The following TMEM132D variants were observed in gnomAD, a reference collection of about 807,000 sequenced individuals.
The protein encoded by TMEM132D is mature OL transmembrane protein.
In TMEM132D, 21 loss-of-function variants were observed where a neutral mutation model predicts 62.3. The ratio of observed to expected loss-of-function variants is 0.34; its 90% CI spans 0.24 to 0.49. The LOEUF (loss-of-function observed/expected upper bound fraction) is 0.49, where lower values mean the gene tolerates loss of function less well. TMEM132D is among the 20% of genes least tolerant of loss of function. The pLI is 0.99. For synonymous variants in TMEM132D, 621 were observed against 575.6 expected (o/e 1.08, Z -1.13); for missense variants, 1,346 against 1,402.8 (o/e 0.96, Z 0.65).
chr12:129,265,863 T>C (rs566524650), intron 4 of TMEM132D, among the ~76,000 whole-genome samples: 1 of 152,186 alleles, frequency 6.6e-6, no homozygotes, highest in Admixed American at 6.5e-5. Context: ...CCTCTTACAA[T>C]CTTTCTCTTC....
intron 4 of TMEM132D, among the ~76,000 whole-genome samples, chr12:129,313,749 T>C (rs1013914971): frequency 2.0e-5 from 3 of 152,164 alleles, no homozygotes; most frequent in Non-Finnish European, 4.4e-5. Flanking sequence ...CTGGAACAAA[T>C]GGTAGCTCTA....
chr12:129,497,394 G>GC (rs1433855802), intron 3 of TMEM132D, among the ~76,000 whole-genome samples: 1 of 152,112 alleles, frequency 6.6e-6, no homozygotes, highest in African/African-American at 2.4e-5. Flanking sequence ...GTGATAAGTG[G>GC]CCCCTGCTCC....
chr12:129,302,765 C>T (rs1295286102), intron 4 of TMEM132D, among the ~76,000 whole-genome samples: 2 of 152,340 alleles, frequency 1.3e-5, no homozygotes, highest in South Asian at 4.1e-4. Context: ...ACCAACAGCC[C>T]CTTGGCCAAA....
intron 2 of TMEM132D, among the ~76,000 whole-genome samples, chr12:129,597,917 A>G (rs1347203803): frequency 6.6e-6 from 1 of 152,166 alleles, no homozygotes; most frequent in Non-Finnish European, 1.5e-5. Flanking sequence ...TGATGGGTAC[A>G]TTCAAACAGG....
At chr12:129,654,988 C>T (rs1324799265) in intron 2 of TMEM132D, among the ~76,000 whole-genome samples, 1 of 151,986 alleles carries the variant, frequency 6.6e-6, no homozygotes, top group Non-Finnish European at 1.5e-5. Context: ...TGCTCTGTCG[C>T]CCAGGCTGGA....
intron 1 of TMEM132D, among the ~76,000 whole-genome samples, chr12:129,864,946 G>A (rs367945621): frequency 1.3e-5 from 2 of 152,194 alleles, no homozygotes; most frequent in East Asian, 3.9e-4. Context: ...ACAGAAGTGA[G>A]CTCCATCCAA....
chr12:129,545,925 G>A (rs1876719591), intron 2 of TMEM132D, among the ~76,000 whole-genome samples: 1 of 152,144 alleles, frequency 6.6e-6, no homozygotes, highest in African/African-American at 2.4e-5. Context: ...AATATGAGGA[G>A]GAACATGGTC....
At chr12:129,251,927 G>A (rs1389947009) in intron 4 of TMEM132D, among the ~76,000 whole-genome samples, 1 of 152,130 alleles carries the variant, frequency 6.6e-6, no homozygotes, top group Non-Finnish European at 1.5e-5. Context: ...AAGGAACCTA[G>A]GCTCTTGAAT....
chr12:129,554,135 C>T (rs1340216242), intron 2 of TMEM132D, among the ~76,000 whole-genome samples: 2 of 152,144 alleles, frequency 1.3e-5, no homozygotes, highest in African/African-American at 4.8e-5. Flanking sequence ...GTTTCTATTC[C>T]TTAAAACAGT....
intron 2 of TMEM132D, among the ~76,000 whole-genome samples, chr12:129,549,340 C>G (rs914753512): frequency 7.9e-5 from 12 of 151,616 alleles, no homozygotes; most frequent in African/African-American, 2.9e-4. Flanking sequence ...CCACCCAAAT[C>G]TCATCTTGAA....
intron 3 of TMEM132D, among the ~76,000 whole-genome samples, chr12:129,518,192 G>T (rs1875738838): frequency 6.6e-6 from 1 of 152,070 alleles, no homozygotes. Flanking sequence ...TTTTTCTGTT[G>T]TGAGTTTATA....
At chr12:129,380,900 T>G (rs1870930557) in intron 3 of TMEM132D, among the ~76,000 whole-genome samples, 1 of 152,262 alleles carries the variant, frequency 6.6e-6, no homozygotes, top group Non-Finnish European at 1.5e-5. Flanking sequence ...CATACATCAT[T>G]AGTTCAATCC....
At chr12:129,199,102 C>CTTTTTTTTT (rs58775767) in intron 5 of TMEM132D, among the ~76,000 whole-genome samples, 1 of 95,830 alleles carries the variant, frequency 1.0e-5, no homozygotes, top group Non-Finnish European at 2.0e-5. Flanking sequence ...GTCCATCTAC[C>CTTTTTTTTT]TTTTTTTTTT....
chr12:129,157,688 CA>C (rs1393261131), intron 5 of TMEM132D, among the ~76,000 whole-genome samples: 2 of 152,166 alleles, frequency 1.3e-5, no homozygotes, highest in African/African-American at 4.8e-5. Context: ...TGGCTGAAAA[CA>C]AAACCACAGA....
intron 2 of TMEM132D, among the ~76,000 whole-genome samples, chr12:129,551,403 C>A (rs1022626096): frequency 6.6e-6 from 1 of 152,210 alleles, no homozygotes; most frequent in South Asian, 2.1e-4. Context: ...GAAGGCATGT[C>A]TCTCTCTTGG....
intron 1 of TMEM132D, among the ~76,000 whole-genome samples, chr12:129,731,199 T>C (rs1294596604): frequency 6.6e-6 from 1 of 152,178 alleles, no homozygotes; most frequent in Non-Finnish European, 1.5e-5. Flanking sequence ...TTCCTGCCCA[T>C]TCACTCATTC....
intron 2 of TMEM132D, among the ~76,000 whole-genome samples, chr12:129,616,263 G>A (rs189748921): frequency 4.6e-5 from 7 of 152,142 alleles, no homozygotes; most frequent in Admixed American, 2.0e-4. Flanking sequence ...ATGCATCAGC[G>A]CCCCAATCTC....
At chr12:129,407,416 G>T (rs1392848130) in intron 3 of TMEM132D, among the ~76,000 whole-genome samples, 1 of 152,060 alleles carries the variant, frequency 6.6e-6, no homozygotes, top group Non-Finnish European at 1.5e-5. Flanking sequence ...AAGCCTAGAG[G>T]AAAAGTCACC....
intron 1 of TMEM132D, among the ~76,000 whole-genome samples, chr12:129,708,991 C>T (rs962830603): frequency 1.3e-5 from 2 of 152,176 alleles, no homozygotes; most frequent in Non-Finnish European, 2.9e-5. Flanking sequence ...GGAAGACCTA[C>T]TCAGATGAGA....
Sources: allele counts gnomAD v4.1 joint callset (sites outside exome capture counted in the v4.1 genomes callset), GRCh38; gene constraint gnomAD v4.1.1; transcripts MANE v1.5; gene names NCBI Gene and HGNC (gene_info 2026-07-23, HGNC 2026-07-21).